Variants in ZNF75A observed in about 807,000 individuals in gnomAD.
ZNF75A encodes zinc finger protein 75A.
Under a neutral mutation model 46.3 loss-of-function variants are expected in ZNF75A, and 36 were observed. The observed-to-expected ratio is 0.78, with a 90% confidence interval of 0.60 to 1.03. The LOEUF (loss-of-function observed/expected upper bound fraction) is 1.03, where lower values mean the gene tolerates loss of function less well. Among genes scored for constraint, ZNF75A ranks in the 50% least tolerant of loss-of-function variants. ZNF75A has a pLI of 0.00. For missense variants in ZNF75A, 595 were observed against 551.3 expected, an observed-to-expected ratio of 1.08 and a Z score of -0.79; for synonymous variants, 234 against 189.9, an observed-to-expected ratio of 1.23 and a Z score of -1.91.
In ZNF75A at chr16:3,317,908, A is replaced by G; in HGVS notation, c.*39A>G. On this transcript the variant is annotated 3_prime_UTR_variant, in exon 7 of 7. Coordinates refer to ENST00000669516, the MANE Select transcript of ZNF75A (RefSeq NM_001302109.2). ...CAGTGTCCTCATTCTGAAGACATTC[A>G]CCAAATGGAGCTTGGCACTAAAATT... 1 of 1,527,582 alleles carries G rather than the reference A, an allele frequency of 6.5e-7. No individual in the cohort carries two copies. The highest frequency in any genetic ancestry group is 1.3e-5 in the South Asian group (1 of 78,250). The allele number at this position is 1,527,582 out of a possible 1,614,324, so 94.6% of individuals were successfully genotyped here.
At chr16:3,323,178 A>C, downstream of ZNF75A, 1 of 635,658 alleles carries the variant, frequency 1.6e-6, no homozygotes, top group East Asian at 2.9e-5. Context: ...GCAGTTTGGC[A>C]CCTGGGTCTA....
intron 1 of ZNF75A, chr16:3,307,508 G>A (rs1960381002): frequency 6.6e-6 from 1 of 151,892 alleles, no homozygotes. Context: ...TGTTTTTTAA[G>A]GTGCCTTTAT....
At chr16:3,322,435 G>A (rs369747317), downstream of ZNF75A, among the ~76,000 whole-genome samples, 7 of 152,302 alleles carry the variant, frequency 4.6e-5, no homozygotes, top group East Asian at 1.9e-4. Flanking sequence ...TCAGTCGAGC[G>A]TCTGTAAGGC....
In ZNF75A at chr16:3,312,589, A is replaced by G. The variant is rs1029557280; in HGVS notation, c.605-88A>G. ...ACACGTGTAAAGGTGTCCCATCTGT[A>G]CTTAAAAAGTCAGGATCAGTGTTTT... is the stretch of plus-strand genomic sequence containing the variant. On this transcript the variant is annotated intron_variant, in intron 3 of 6. Transcript: ENST00000669516. The G allele has an allele frequency of 3.3e-5, 14 of 426,588 alleles. 1 individual carries two copies. The highest frequency in any genetic ancestry group is 1.2e-4 in the Admixed American group (2 of 16,722). The allele number at this position is 426,588 out of a possible 1,614,324, so 26.4% of individuals were successfully genotyped here.
intron 1 of ZNF75A, chr16:3,308,056 G>A (rs1460467200): frequency 6.6e-6 from 1 of 152,064 alleles, no homozygotes; most frequent in African/African-American, 2.4e-5. Context: ...TCAGCCAGTG[G>A]GTGCCAATTT....
chr16:3,320,337 C>G (rs575493615), downstream of ZNF75A, among the ~76,000 whole-genome samples: 1 of 152,242 alleles, frequency 6.6e-6, no homozygotes, highest in Non-Finnish European at 1.5e-5. Flanking sequence ...AGCCACCGCA[C>G]CTGGCCAACC....
Position 3,312,737 on chromosome 16 carries a change from T to G in ZNF75A, c.665T>G (p.Val222Gly). 10 of 1,047,490 alleles carry G rather than the reference T, an allele frequency of 9.5e-6. No individual in the cohort carries two copies. The highest frequency in any genetic ancestry group is 1.0e-5 in the Non-Finnish European group (9 of 869,274). The allele number at this position is 1,047,490 out of a possible 1,614,324, so 64.9% of individuals were successfully genotyped here. ...CAAACAAACACCAAAGACTGGACAG[T>G]GACACCTGAGCACGTCTTGCCTGAG... Reference protein sequence around the residue: ...PEQTNTKDWTVTPEHVLPESQ... With the variant: ...PEQTNTKDWTGTPEHVLPESQ... Residue 222 changes from valine (V) to glycine (G), a missense_variant, in exon 4 of 7, where the codon GTG (valine) becomes GGG (glycine). Val to Gly is a moderately radical substitution (Grantham distance 109). Transcript: ENST00000669516.
intron 1 of ZNF75A, chr16:3,306,240 T>G (rs1438047692): frequency 2.0e-5 from 3 of 152,154 alleles, no homozygotes; most frequent in Non-Finnish European, 2.9e-5. Flanking sequence ...AAATACAAAG[T>G]CAGCAGAAAG....
intron 5 of ZNF75A, chr16:3,315,020 A>G (rs1961096776): frequency 2.0e-6 from 2 of 985,062 alleles, no homozygotes; most frequent in Non-Finnish European, 2.4e-6. Context: ...TGGTGTATCC[A>G]GATCACCTGG....
chr16:3,320,068 C>T (rs561856306), downstream of ZNF75A, among the ~76,000 whole-genome samples: 16 of 151,246 alleles, frequency 1.1e-4, no homozygotes, highest in East Asian at 3.9e-4. Flanking sequence ...TTTCTTGAGA[C>T]GGAGTCTCGC....
intron 2 of ZNF75A, chr16:3,309,292 A>G (rs1351970147): frequency 6.6e-6 from 1 of 151,922 alleles, no homozygotes; most frequent in Non-Finnish European, 1.5e-5. Flanking sequence ...CCCTCTCTCT[A>G]CAAAAATAAA....
At chr16:3,322,725 T>A (rs956385245), downstream of ZNF75A, among the ~76,000 whole-genome samples, 7 of 149,028 alleles carry the variant, frequency 4.7e-5, no homozygotes, top group South Asian at 1.1e-3. Flanking sequence ...ACTGTTGAAA[T>A]TTTTTTTTTT....
At chr16:3,315,786 G>C (rs1003339922) in intron 5 of ZNF75A, among the ~76,000 whole-genome samples, 1 of 152,178 alleles carries the variant, frequency 6.6e-6, no homozygotes, top group African/African-American at 2.4e-5. Context: ...TCAGAAGCCT[G>C]TGGTTACTTC....
At chr16:3,311,320 C>G (rs1474907850) in intron 2 of ZNF75A, among the ~76,000 whole-genome samples, 1 of 152,042 alleles carries the variant, frequency 6.6e-6, no homozygotes, top group Non-Finnish European at 1.5e-5. Flanking sequence ...TACCTGTAAT[C>G]CCAGCTACTT....
downstream of ZNF75A, among the ~76,000 whole-genome samples, chr16:3,319,100 C>T (rs959409436): frequency 1.3e-5 from 2 of 152,046 alleles, no homozygotes; most frequent in African/African-American, 4.8e-5. Context: ...AAATAACTGA[C>T]CTCTTCCAAA....
At position 3,311,709 on chromosome 16, in the gene ZNF75A, C is replaced by T. The variant is rs1028103989; in HGVS notation, c.409-44C>T. ...GTCGCTCTGCCTCCACCCCCACAAACCAAAAGTAAGTTCTGTGGTAACAAG... is the reference window on the plus strand; with the variant it reads ...GTCGCTCTGCCTCCACCCCCACAAATCAAAAGTAAGTTCTGTGGTAACAAG... On this transcript the variant is annotated intron_variant, in intron 2 of 6. Transcript: ENST00000669516. 4 of 1,017,434 alleles carry T rather than the reference C, an allele frequency of 3.9e-6. No homozygotes were observed. In the African/African-American group the frequency reaches 5.2e-5, roughly 13 times the overall value. The allele number at this position is 1,017,434 out of a possible 1,614,324, so 63.0% of individuals were successfully genotyped here.
downstream of ZNF75A, among the ~76,000 whole-genome samples, chr16:3,320,612 C>G (rs142104682): frequency 2.6e-4 from 40 of 152,320 alleles, no homozygotes; most frequent in African/African-American, 7.9e-4. Context: ...CCCTCCTTCC[C>G]TATCTGGCCT....
intron 3 of ZNF75A, 122 bp from the exon 4 acceptor site, chr16:3,312,555 A>G (rs1402242462): frequency 2.0e-5 from 4 of 198,032 alleles, no homozygotes; most frequent in Non-Finnish European, 3.6e-5. Context: ...TTCAGGCATC[A>G]CACACACCAC....
chr16:3,312,678 T>G lies in ZNF75A; in HGVS notation c.606T>G (p.Ala202=). The change falls in exon 4 of 7, where the codon GCT becomes GCG. Residue 202 remains alanine (A), a splice_region_variant and synonymous_variant. Transcript: ENST00000669516. The part of the protein sequence containing the change: ...HKETEPVYER[A]VPTQQILAFP... ...CTTCTGGCTCTTTTCCCCCCACAGC[T>G]GTGCCTACTCAACAGATTCTAGCTT... The G allele has an allele frequency of 9.9e-7, 1 of 1,007,404 alleles. No individual in the cohort carries two copies. Among genetic ancestry groups the G allele is most frequent in the Non-Finnish European group, 1.2e-6 (1 of 842,348 alleles). 62.4% of individuals were successfully genotyped at this position (1,007,404 alleles called of 1,614,324 possible).
Sources: gnomAD v4.1 joint callset for allele counts (sites outside exome capture counted in the v4.1 genomes callset) on GRCh38, gnomAD v4.1.1 for gene constraint, MANE v1.5 for transcripts, NCBI Gene and HGNC (gene_info 2026-07-23, HGNC 2026-07-21) for gene names.